CHN2: variants seen among roughly 807,000 people sequenced by gnomAD.
The protein encoded by CHN2 is chimerin 2.
In CHN2, 35 loss-of-function variants were observed where a neutral mutation model predicts 56.3. The ratio of observed to expected loss-of-function variants is 0.62; its 90% CI spans 0.47 to 0.82. The LOEUF is 0.82. Among genes scored for constraint, CHN2 ranks in the 40% least tolerant of loss-of-function variants. The pLI is 0.00. For missense variants in CHN2, 491 were observed against 580.5 expected, an observed-to-expected ratio of 0.85 and a Z score of 1.58; for synonymous variants, 210 against 212.8, an observed-to-expected ratio of 0.99 and a Z score of 0.12.
At chr7:29,348,917 G>A (rs978950024) in intron 1 of CHN2, among the ~76,000 whole-genome samples, 1 of 152,006 alleles carries the variant, frequency 6.6e-6, no homozygotes, top group African/African-American at 2.4e-5. Context: ...TAATAATTGG[G>A]TTTATTGCCT....
intron 2 of CHN2, among the ~76,000 whole-genome samples, chr7:29,185,192 A>G (rs886587048): frequency 6.6e-6 from 1 of 152,174 alleles, no homozygotes; most frequent in African/African-American, 2.4e-5. Flanking sequence ...CTTCTTTATG[A>G]TTGAGAAATG....
chr7:29,400,972 C>T, intron 6 of CHN2, 144 bp downstream of exon 6: 2 of 786,210 alleles, frequency 2.5e-6, no homozygotes, highest in Non-Finnish European at 4.0e-6. Flanking sequence ...CCAAAGGGAC[C>T]TTAGAAATCT....
In CHN2 at chr7:29,293,367, C is replaced by T. The variant is rs945894480; in HGVS notation, c.50-61258C>T. ...TTCTTCTGAGGGCAGCTAATGCCCC[C>T]CCCCCCCCCCATATTAACTCCAAGG... On this transcript the variant is annotated intron_variant, in intron 1 of 12. Transcript: ENST00000222792. 1.5e-3 allele frequency among the ~76,000 whole-genome samples: 158 copies of T among 107,316 alleles called. 8 individuals carry two copies. Among genetic ancestry groups the T allele is most frequent in the Non-Finnish European group, 2.6e-3 (125 of 48,328 alleles). The allele number at this position is 107,316 out of a possible 152,430, so 70.4% of individuals were successfully genotyped here. A position where few individuals can be genotyped will look rare whatever the true frequency, so the allele number is the denominator to read the frequency against.
intron 1 of CHN2, among the ~76,000 whole-genome samples, chr7:29,319,651 G>A (rs777575325): frequency 3.3e-5 from 5 of 152,110 alleles, no homozygotes; most frequent in African/African-American, 7.2e-5. Flanking sequence ...ATGAGATTTC[G>A]CTGTCAGATT....
intron 1 of CHN2, among the ~76,000 whole-genome samples, chr7:29,339,747 G>A (rs1720281620): frequency 6.6e-6 from 1 of 151,982 alleles, no homozygotes; most frequent in African/African-American, 2.4e-5. Flanking sequence ...CAGCTACTTG[G>A]GAGGCTAAGG....
chr7:29,421,264 C>T (rs1028913431), intron 6 of CHN2, among the ~76,000 whole-genome samples: 1 of 152,212 alleles, frequency 6.6e-6, no homozygotes, highest in African/African-American at 2.4e-5. Flanking sequence ...GCAACAGAGT[C>T]AGCCGCACTG....
intron 6 of CHN2, among the ~76,000 whole-genome samples, chr7:29,419,171 TGTTA>T (rs1804077438): frequency 1.3e-5 from 2 of 152,100 alleles, no homozygotes; most frequent in Non-Finnish European, 2.9e-5. Context: ...TTTGTTTAAT[TGTTA>T]GTTAGATAGT....
At chr7:29,358,448 G>GATTTATTT (rs146266551) in intron 2 of CHN2, among the ~76,000 whole-genome samples, 33 of 151,346 alleles carry the variant, frequency 2.2e-4, no homozygotes, top group East Asian at 7.8e-4. Flanking sequence ...TTCTAATGAT[G>GATTTATTT]ATTTATTTAT....
chr7:29,462,861 C>A (rs548838324), intron 6 of CHN2, among the ~76,000 whole-genome samples: 46 of 151,600 alleles, frequency 3.0e-4, no homozygotes, highest in African/African-American at 1.1e-3. Context: ...GTGTGCTGCA[C>A]CCAATAACTC....
chr7:29,509,855 A>C (rs955716786), intron 12 of CHN2, among the ~76,000 whole-genome samples: 1 of 151,792 alleles, frequency 6.6e-6, no homozygotes, highest in Non-Finnish European at 1.5e-5. Flanking sequence ...AAAAAAAAAA[A>C]AAAAAGAAAA....
intron 9 of CHN2, 139 bp downstream of exon 9, chr7:29,500,179 T>C (rs912475981): frequency 3.8e-6 from 2 of 522,540 alleles, no homozygotes; most frequent in East Asian, 6.3e-5. Context: ...ACACACACTC[T>C]CTCTCTCTCA....
At chr7:29,437,075 A>G (rs1379501732) in intron 6 of CHN2, among the ~76,000 whole-genome samples, 1 of 152,194 alleles carries the variant, frequency 6.6e-6, no homozygotes, top group South Asian at 2.1e-4. Context: ...CAGAGATACT[A>G]TTTCCTGCCA....
intron 6 of CHN2, among the ~76,000 whole-genome samples, chr7:29,465,763 A>C (rs1783954513): frequency 6.6e-6 from 1 of 152,150 alleles, no homozygotes; most frequent in Admixed American, 6.5e-5. Context: ...TTCTTACACA[A>C]CTCTTCAGGA....
intron 1 of CHN2, among the ~76,000 whole-genome samples, chr7:29,349,762 T>C (rs1014357033): frequency 5.9e-5 from 9 of 152,248 alleles, no homozygotes; most frequent in African/African-American, 1.9e-4. Context: ...TATAATTCAT[T>C]GTTCCTTTCT....
intron 1 of CHN2, among the ~76,000 whole-genome samples, chr7:29,258,971 A>T (rs1789308547): frequency 6.6e-6 from 1 of 151,938 alleles, no homozygotes; most frequent in Non-Finnish European, 1.5e-5. Context: ...AGCAATAGGG[A>T]ACTAGTAGAA....
chr7:29,214,429 G>A (rs1042728028), intron 1 of CHN2, among the ~76,000 whole-genome samples: 9 of 152,198 alleles, frequency 5.9e-5, no homozygotes, highest in East Asian at 1.9e-4. Flanking sequence ...AGGAAACCTC[G>A]TTTCTACCAG....
chr7:29,423,826 A>G (rs1350729560), intron 6 of CHN2, among the ~76,000 whole-genome samples: 1 of 152,132 alleles, frequency 6.6e-6, no homozygotes, highest in Admixed American at 6.5e-5. Context: ...AATCCATTGA[A>G]ACATCCCATA....
chr7:29,380,469 A>G (rs1800413392), intron 3 of CHN2, among the ~76,000 whole-genome samples: 1 of 152,212 alleles, frequency 6.6e-6, no homozygotes, highest in Non-Finnish European at 1.5e-5. Flanking sequence ...AATTTCTACC[A>G]TCTCCCAGAT....
chr7:29,350,895 G>A (rs1029953849), intron 1 of CHN2, among the ~76,000 whole-genome samples: 1 of 152,092 alleles, frequency 6.6e-6, no homozygotes, highest in African/African-American at 2.4e-5. Context: ...GAATCACGAG[G>A]TCAGGAGTTT....
Sources: allele counts gnomAD v4.1 joint callset (sites outside exome capture counted in the v4.1 genomes callset), GRCh38; gene constraint gnomAD v4.1.1; transcripts MANE v1.5; gene names NCBI Gene and HGNC (gene_info 2026-07-23, HGNC 2026-07-21).